Variants in SLC2A14 observed in about 807,000 individuals in gnomAD.
SLC2A14 encodes solute carrier family 2, facilitated glucose transporter member 14.
SLC2A14 carries 13 observed loss-of-function variants against 43.0 expected under a neutral mutation model. The ratio of observed to expected loss-of-function variants is 0.30; its 90% CI spans 0.20 to 0.48. The LOEUF is 0.48. Ranked by LOEUF, SLC2A14 falls within the 20% of genes least tolerant of loss-of-function variation. The pLI is 0.99. For missense variants in SLC2A14, 428 were observed against 620.4 expected, an observed-to-expected ratio of 0.69 and a Z score of 3.29; for synonymous variants, 190 against 233.8, an observed-to-expected ratio of 0.81 and a Z score of 1.71.
chr12:7,819,360 G>T, intron 9 of SLC2A14, 122 bp downstream of exon 9: 1 of 1,527,042 alleles, frequency 6.5e-7, no homozygotes, highest in Non-Finnish European at 8.8e-7. Flanking sequence ...TGGGCATCTT[G>T]CTTCTCTCCT....
intron 1 of SLC2A14, among the ~76,000 whole-genome samples, chr12:7,879,936 G>A (rs1476391889): frequency 6.6e-6 from 1 of 151,512 alleles, no homozygotes; most frequent in African/African-American, 2.4e-5. Context: ...AACCTGGAAG[G>A]CGGAGGTTGC....
intron 2 of SLC2A14, among the ~76,000 whole-genome samples, chr12:7,856,948 C>T (rs1312296544): frequency 6.6e-6 from 1 of 151,274 alleles, no homozygotes; most frequent in Non-Finnish European, 1.5e-5. Flanking sequence ...GTATATTTGT[C>T]TTAGAATTAA....
chr12:7,817,692 G>A, intron 10 of SLC2A14, 139 bp downstream of exon 10: 1 of 1,031,044 alleles, frequency 9.7e-7, no homozygotes, highest in Non-Finnish European at 1.4e-6. Context: ...GCTTGTCAGT[G>A]AGCTGAGATC....
intron 4 of SLC2A14, among the ~76,000 whole-genome samples, chr12:7,830,981 G>T (rs188601547): frequency 2.6e-4 from 40 of 151,798 alleles, no homozygotes; most frequent in Non-Finnish European, 5.6e-4. Context: ...AAAATTAGCC[G>T]AGCGTGGTGG....
upstream of SLC2A14, chr12:7,873,054 G>T (rs749410464): frequency 1.7e-5 from 17 of 985,554 alleles, no homozygotes; most frequent in African/African-American, 2.8e-4. Context: ...CGCGGTCGGG[G>T]TTGTCCGGCC....
chr12:7,866,126 G>C (rs760887874), intron 2 of SLC2A14, among the ~76,000 whole-genome samples: 1 of 151,488 alleles, frequency 6.6e-6, no homozygotes, highest in South Asian at 2.1e-4. Flanking sequence ...CCAGGAGGCT[G>C]TGGCAGGAGA....
intron 10 of SLC2A14, among the ~76,000 whole-genome samples, chr12:7,814,809 T>C (rs1333508110): frequency 1.3e-5 from 2 of 151,932 alleles, no homozygotes; most frequent in Admixed American, 6.6e-5. Flanking sequence ...TTATTATTAT[T>C]ATTATTTGGA....
intron 1 of SLC2A14, among the ~76,000 whole-genome samples, chr12:7,889,120 A>G (rs1038223932): frequency 3.9e-5 from 6 of 152,132 alleles, no homozygotes; most frequent in Admixed American, 3.3e-4. Context: ...GAGCACAAGA[A>G]ATAATTCAGG....
chr12:7,872,655 A>G (rs1190704322), intron 1 of SLC2A14, 152 bp downstream of exon 1: 1 of 531,648 alleles, frequency 1.9e-6, no homozygotes, highest in African/African-American at 2.1e-5. Flanking sequence ...CAAGGCTCCA[A>G]GGCTAGTTTC....
chr12:7,830,149 T>C lies in SLC2A14; in HGVS notation c.273-143A>G, dbSNP rs909016299. 6 of 1,089,436 alleles carry C rather than the reference T, an allele frequency of 5.5e-6. No individual in the cohort carries two copies. In the African/African-American group the frequency reaches 6.3e-5, roughly 11 times the overall value. 67.5% of individuals were successfully genotyped at this position (1,089,436 alleles called of 1,614,324 possible). A position where few individuals can be genotyped will look rare whatever the true frequency, so the allele number is the denominator to read the frequency against. ...AACTTTTCTTTTTCACTTTCTTTTC[T>C]TTTCTTTCTTTTTTTTTTTTTGAGA... is the stretch of plus-strand genomic sequence containing the variant. On this transcript the variant is annotated intron_variant, in intron 4 of 10. Transcript: ENST00000431042.
In SLC2A14 at chr12:7,862,264, CAAA is replaced by C. The variant is rs71038792; in HGVS notation, c.18+7596_18+7598del. Among the ~76,000 whole-genome samples, 48 of 58,898 alleles carry C rather than the reference CAAA, an allele frequency of 8.1e-4. 2 individuals carry two copies. The East Asian group carries it at 0.02, about 25-fold the overall frequency. 38.6% of individuals were successfully genotyped at this position (58,898 alleles called of 152,430 possible). On this transcript the variant is annotated intron_variant, in intron 2 of 10. Coordinates refer to ENST00000431042, the MANE Select transcript of SLC2A14 (RefSeq NM_001286234.2). ...GGGCTACAGAGCCAGACTTGTCTCT[CAAA>C]AAAAAAAAAAAAAAAAAAAAAGAAG... is the stretch of plus-strand genomic sequence containing the variant.
intron 2 of SLC2A14, among the ~76,000 whole-genome samples, chr12:7,866,871 C>T (rs1391315542): frequency 2.0e-5 from 3 of 151,716 alleles, no homozygotes; most frequent in East Asian, 1.9e-4. Context: ...AAAGTGGCAA[C>T]ACTATACAAC....
At chr12:7,865,882 C>G (rs1485872832) in intron 2 of SLC2A14, among the ~76,000 whole-genome samples, 1 of 152,046 alleles carries the variant, frequency 6.6e-6, no homozygotes, top group Non-Finnish European at 1.5e-5. Context: ...AGGAAAAGTT[C>G]TTGAGGAAAA....
intron 1 of SLC2A14, chr12:7,871,430 C>T (rs1472843401): frequency 8.6e-6 from 2 of 233,820 alleles, no homozygotes; most frequent in East Asian, 2.4e-4. Flanking sequence ...TCCCCACCCC[C>T]GGCACACACT....
intron 2 of SLC2A14, among the ~76,000 whole-genome samples, chr12:7,861,973 A>AC (rs915019326): frequency 6.8e-5 from 10 of 146,262 alleles, no homozygotes; most frequent in Non-Finnish European, 1.2e-4. Flanking sequence ...AAAAAAAAAA[A>AC]ACAAAAACAA....
chr12:7,828,073 A>G (rs1197540791), intron 6 of SLC2A14, among the ~76,000 whole-genome samples: 1 of 151,750 alleles, frequency 6.6e-6, no homozygotes, highest in Non-Finnish European at 1.5e-5. Context: ...AAAAAATACA[A>G]ATTAGATGGG....
intron 1 of SLC2A14, among the ~76,000 whole-genome samples, chr12:7,890,458 C>A (rs539876190): frequency 3.3e-5 from 5 of 152,070 alleles, no homozygotes; most frequent in African/African-American, 1.2e-4. Context: ...ATTATTTGTA[C>A]TCTCTTAGCA....
At chr12:7,862,423 G>A (rs934485739) in intron 2 of SLC2A14, among the ~76,000 whole-genome samples, 30 of 152,184 alleles carry the variant, frequency 2.0e-4, no homozygotes, top group Non-Finnish European at 3.8e-4. Context: ...GCCTTCCCAC[G>A]GGGCAGGGCT....
chr12:7,821,347 A>G (rs371995202), intron 7 of SLC2A14, 22 bp from the exon 8 acceptor site: 4 of 1,596,720 alleles, frequency 2.5e-6, no homozygotes, highest in South Asian at 1.1e-5. Flanking sequence ...GAAAACATGC[A>G]GCTTTGATAA....
Sources: allele counts gnomAD v4.1 joint callset (sites outside exome capture counted in the v4.1 genomes callset), GRCh38; gene constraint gnomAD v4.1.1; transcripts MANE v1.5; gene names NCBI Gene and HGNC (gene_info 2026-07-23, HGNC 2026-07-21).